The following CFAP20DC variants were observed in gnomAD, a reference collection of about 807,000 sequenced individuals.
CFAP20DC encodes CFAP20 domain containing.
Under a neutral mutation model 101.7 loss-of-function variants are expected in CFAP20DC, and 84 were observed. The observed-to-expected ratio is 0.83, with a 90% CI of 0.69 to 0.99. CFAP20DC has a LOEUF of 0.99. CFAP20DC is among the 50% of genes least tolerant of loss of function. The probability of loss-of-function intolerance (pLI) is 0.00; values close to 1 mark genes in which losing one functional copy is unlikely to be tolerated. For synonymous variants in CFAP20DC, 359 were observed against 351.2 expected (o/e 1.02, Z -0.25); for missense variants, 1,007 against 970.3 (o/e 1.04, Z -0.50).
In CFAP20DC at chr3:58,788,916, G is replaced by A. The variant is rs2072612862; in HGVS notation, c.2237+17479C>T. Among the ~76,000 whole-genome samples the A allele has an allele frequency of 1.3e-5, 2 of 152,094 alleles. No individual in the cohort carries two copies. Among genetic ancestry groups the A allele is most frequent in the Admixed American group, 1.3e-4 (2 of 15,262 alleles). ...ATACCAAAATCCTCAAGTTGGCCATGCAGAACCCACATATATGAAAAATGG... is the reference window on the plus strand; with the variant it reads ...ATACCAAAATCCTCAAGTTGGCCATACAGAACCCACATATATGAAAAATGG... On this transcript the variant is annotated intron_variant, in intron 15 of 16. Transcript: ENST00000482387. This position sits in a 1 kb window ranked among gnomAD's most constrained non-coding sequence, Gnocchi z 4.2.
chr3:58,870,045 G>T, intron 8 of CFAP20DC, 128 bp downstream of exon 8: 1 of 839,526 alleles, frequency 1.2e-6, no homozygotes, highest in Non-Finnish European at 1.8e-6. Flanking sequence ...TTCTGCTTTT[G>T]GCATGTAGTG....
In CFAP20DC at chr3:58,899,861, T is replaced by C. The variant is rs2082995142; in HGVS notation, c.550+13847A>G. 6.6e-6 allele frequency among the ~76,000 whole-genome samples: 1 copy of C among 152,182 alleles called. No homozygotes were observed. The highest frequency in any genetic ancestry group is 2.1e-4 in the South Asian group (1 of 4,822). ...TTTCAGCTGAGGGTGCTGAACTCAC[T>C]TGCCACTTTCACTCCTCTCCACGAG... is the stretch of plus-strand genomic sequence containing the variant. On this transcript the variant is annotated intron_variant, in intron 6 of 16. Transcript: ENST00000482387. This position sits in a 1 kb window ranked among gnomAD's most constrained non-coding sequence, Gnocchi z 5.0.
At chr3:58,829,491 GAC>G (rs2076255888) in intron 14 of CFAP20DC, among the ~76,000 whole-genome samples, 1 of 152,086 alleles carries the variant, frequency 6.6e-6, no homozygotes, top group Non-Finnish European at 1.5e-5. Flanking sequence ...CAAGCAGCAA[GAC>G]ACAGAGTTCA....
intron 3 of CFAP20DC, among the ~76,000 whole-genome samples, chr3:59,044,218 C>T (rs762176590): frequency 2.6e-5 from 4 of 151,994 alleles, no homozygotes; most frequent in Admixed American, 1.3e-4. Flanking sequence ...GAATACATAA[C>T]GGTAATTGAA....
chr3:58,937,060 G>T (rs1260964693), intron 5 of CFAP20DC, among the ~76,000 whole-genome samples: 1 of 152,094 alleles, frequency 6.6e-6, no homozygotes, highest in Admixed American at 6.6e-5. Flanking sequence ...TGAAATGACT[G>T]AAGTTTGAGA....
At chr3:59,033,789 C>G (rs753707820) in intron 4 of CFAP20DC, among the ~76,000 whole-genome samples, 5 of 152,114 alleles carry the variant, frequency 3.3e-5, no homozygotes, top group Non-Finnish European at 7.4e-5. Context: ...GGATATTAAC[C>G]AGGAGAACTT....
intron 3 of CFAP20DC, among the ~76,000 whole-genome samples, chr3:58,725,442 C>T (rs1055688109): frequency 6.6e-6 from 1 of 152,208 alleles, no homozygotes; most frequent in Non-Finnish European, 1.5e-5. Context: ...CATGTCCCAC[C>T]TCCTCGCTAT....
rs2093323833 is a variant in CFAP20DC, at chr3:59,001,962, T to G, written c.278+37595A>C. ...GACATTCTAAATTGAAAAAGTGAAC[T>G]ATTAAACAAAAATGTAAGTAACTTT... On this transcript the variant is annotated intron_variant, in intron 4 of 16. Coordinates refer to ENST00000482387, the MANE Select transcript of CFAP20DC (RefSeq NM_001394063.1). The surrounding 1 kb of genome is among the most constrained non-coding windows in gnomAD (Gnocchi z 4.5). 6.6e-6 allele frequency among the ~76,000 whole-genome samples: 1 copy of G among 152,164 alleles called. No individual in the cohort carries two copies. The highest frequency in any genetic ancestry group is 1.5e-5 in the Non-Finnish European group (1 of 68,036).
chr3:59,020,394 G>A (rs993549822), intron 4 of CFAP20DC, among the ~76,000 whole-genome samples: 11 of 152,034 alleles, frequency 7.2e-5, no homozygotes, highest in Non-Finnish European at 1.6e-4. Flanking sequence ...CAAGAGACAA[G>A]GATAGGAGGG....
Position 58,720,930 on chromosome 3 carries a change from G to C in CFAP20DC, c.198-3302C>G, listed in dbSNP as rs1218688171. 3.3e-5 allele frequency among the ~76,000 whole-genome samples: 5 copies of C among 152,356 alleles called. No individual in the cohort carries two copies. In the East Asian group the frequency reaches 7.7e-4, roughly 24 times the overall value. ...ATAACAAAGGAAGAGATTGAGACTT[G>C]TGTGTCCACATGCTTGCTTGGGATG... On this transcript the variant is annotated intron_variant, in intron 3 of 3. Transcript: ENST00000486145.
At chr3:58,756,945 A>G (rs1332888574) in intron 15 of CFAP20DC, among the ~76,000 whole-genome samples, 2 of 152,116 alleles carry the variant, frequency 1.3e-5, no homozygotes, top group African/African-American at 4.8e-5. Flanking sequence ...AGGTACTATC[A>G]TTCATTTCAC....
chr3:58,890,844 G>C (rs1336866911), intron 6 of CFAP20DC, among the ~76,000 whole-genome samples: 11 of 149,264 alleles, frequency 7.4e-5, no homozygotes. Flanking sequence ...GGGCAGAGAC[G>C]CTCCTCACTT....
chr3:58,987,378 C>A (rs1422521403), intron 4 of CFAP20DC, among the ~76,000 whole-genome samples: 1 of 151,738 alleles, frequency 6.6e-6, no homozygotes, highest in African/African-American at 2.4e-5. Context: ...AAATGTATAG[C>A]CTTAAATTGC....
At chr3:58,757,346 C>A (rs181621487) in intron 15 of CFAP20DC, among the ~76,000 whole-genome samples, 6 of 152,008 alleles carry the variant, frequency 3.9e-5, no homozygotes, top group Admixed American at 3.9e-4. Flanking sequence ...TATTTAAGGG[C>A]ATGTATGTAA....
At chr3:58,989,116 A>T (rs1400482500) in intron 4 of CFAP20DC, among the ~76,000 whole-genome samples, 1 of 152,130 alleles carries the variant, frequency 6.6e-6, no homozygotes, top group Non-Finnish European at 1.5e-5. Context: ...TCATCACTGA[A>T]ATCAATCAAA....
At chr3:58,936,938 A>C (rs549323008) in intron 5 of CFAP20DC, among the ~76,000 whole-genome samples, 1 of 144,432 alleles carries the variant, frequency 6.9e-6, no homozygotes, top group Non-Finnish European at 1.5e-5. Context: ...ACAAAATTAA[A>C]AAAAAATAAA....
chr3:58,916,697 A>T (rs914887126), intron 5 of CFAP20DC, among the ~76,000 whole-genome samples: 7 of 152,254 alleles, frequency 4.6e-5, no homozygotes, highest in Admixed American at 2.0e-4. Flanking sequence ...GGTGGTTTCT[A>T]AAAAAGATGG....
downstream of CFAP20DC, chr3:58,737,117 A>C (rs2067774413): frequency 2.2e-6 from 1 of 445,868 alleles, no homozygotes; most frequent in South Asian, 1.6e-5. This position sits in a 1 kb window ranked among gnomAD's most constrained non-coding sequence, Gnocchi z 4.1. Flanking sequence ...GCAAGAGACC[A>C]AAGCCTCAGA....
At chr3:58,807,557 C>A (rs1400296890) in intron 14 of CFAP20DC, among the ~76,000 whole-genome samples, 1 of 152,118 alleles carries the variant, frequency 6.6e-6, no homozygotes, top group Non-Finnish European at 1.5e-5. Context: ...CATACCAAAA[C>A]CCCATCTGTA....
Sources: gnomAD v4.1 joint callset for allele counts (sites outside exome capture counted in the v4.1 genomes callset) on GRCh38, gnomAD v4.1.1 for gene constraint, Gnocchi (gnomAD v3.1) non-coding constraint, MANE v1.5 for transcripts, NCBI Gene and HGNC (gene_info 2026-07-23, HGNC 2026-07-21) for gene names.